Variants in TEAD1 observed in about 807,000 individuals in gnomAD.
TEAD1 encodes the protein TEA domain transcription factor 1, also known as transcriptional enhancer factor TEF-1.
A neutral mutation model predicts 54.9 loss-of-function variants in TEAD1; 9 were observed. The ratio of observed to expected loss-of-function variants is 0.16; its 90% CI spans 0.10 to 0.29. TEAD1 has a LOEUF of 0.29. Ranked by LOEUF, TEAD1 falls within the 10% of genes least tolerant of loss-of-function variation. The probability of loss-of-function intolerance (pLI) is 1.00; values close to 1 mark genes in which losing one functional copy is unlikely to be tolerated. For missense variants in TEAD1, 387 were observed against 535.9 expected (o/e 0.72, Z 2.74); for synonymous variants, 200 against 187.8 (o/e 1.07, Z -0.53).
intron 2 of TEAD1, among the ~76,000 whole-genome samples, chr11:12,732,983 C>G (rs1267711697): frequency 6.6e-6 from 1 of 152,186 alleles, no homozygotes; most frequent in African/African-American, 2.4e-5. Context: ...AACCAGAATT[C>G]AAGAGCTCTG....
intron 3 of TEAD1, among the ~76,000 whole-genome samples, chr11:12,855,813 G>A (rs939271193): frequency 1.3e-5 from 2 of 151,836 alleles, no homozygotes; most frequent in Admixed American, 1.3e-4. Context: ...GCCAGGTGTG[G>A]TGTACCTGCC....
intron 3 of TEAD1, among the ~76,000 whole-genome samples, chr11:12,787,365 C>A (rs1266193092): frequency 6.6e-6 from 1 of 152,076 alleles, no homozygotes; most frequent in Non-Finnish European, 1.5e-5. Flanking sequence ...TTTTTGCTAA[C>A]CATTGTATGA....
intron 3 of TEAD1, among the ~76,000 whole-genome samples, chr11:12,779,133 T>C (rs1456281649): frequency 6.6e-6 from 1 of 152,194 alleles, no homozygotes; most frequent in East Asian, 1.9e-4. Flanking sequence ...TAAATGTTAC[T>C]TTTTTCAGAT....
At chr11:12,764,076 G>A (rs1945154816) in intron 2 of TEAD1, 103 bp from the exon 3 acceptor site, 2 of 727,770 alleles carry the variant, frequency 2.7e-6, no homozygotes, top group Non-Finnish European at 4.4e-6. Context: ...ATAATAAAAT[G>A]AAATGAAAAA....
chr11:12,895,517 A>G (rs1412846463), intron 9 of TEAD1, among the ~76,000 whole-genome samples: 1 of 152,178 alleles, frequency 6.6e-6, no homozygotes, highest in Non-Finnish European at 1.5e-5. Context: ...TTGCAGTCTG[A>G]CCCGAGCTCC....
intron 3 of TEAD1, among the ~76,000 whole-genome samples, chr11:12,838,419 A>G: frequency 6.6e-6 from 1 of 152,220 alleles, no homozygotes; most frequent in East Asian, 1.9e-4. Flanking sequence ...AGCCTCTGAG[A>G]TATAAATTCC....
intron 3 of TEAD1, among the ~76,000 whole-genome samples, chr11:12,849,848 G>C (rs537234957): frequency 6.6e-6 from 1 of 152,066 alleles, no homozygotes; most frequent in Non-Finnish European, 1.5e-5. Flanking sequence ...TAAAAGATTT[G>C]TGCCCTCTTA....
intron 5 of TEAD1, among the ~76,000 whole-genome samples, chr11:12,877,886 C>T (rs923300608): frequency 1.3e-5 from 2 of 151,852 alleles, no homozygotes; most frequent in East Asian, 3.9e-4. Flanking sequence ...CAGCCTTGAC[C>T]TCCCAGGTTC....
At chr11:12,838,653 C>A (rs1193191321) in intron 3 of TEAD1, among the ~76,000 whole-genome samples, 1 of 152,116 alleles carries the variant, frequency 6.6e-6, no homozygotes, top group Non-Finnish European at 1.5e-5. Context: ...TCTTAGTAAA[C>A]CCACAAGTGT....
intron 3 of TEAD1, among the ~76,000 whole-genome samples, chr11:12,861,909 C>T (rs1164609195): frequency 1.3e-5 from 2 of 151,788 alleles, no homozygotes; most frequent in African/African-American, 4.8e-5. Context: ...TCACTTGAAC[C>T]TGGGAGGCAG....
chr11:12,706,170 T>G (rs1943810335), intron 2 of TEAD1, among the ~76,000 whole-genome samples: 1 of 152,244 alleles, frequency 6.6e-6, no homozygotes, highest in African/African-American at 2.4e-5. Flanking sequence ...CTGGGGATTT[T>G]TAGAGCTGAC....
intron 4 of TEAD1, among the ~76,000 whole-genome samples, chr11:12,864,496 G>A (rs920711570): frequency 2.6e-5 from 4 of 152,252 alleles, no homozygotes; most frequent in South Asian, 2.1e-4. Flanking sequence ...AGCGCTGGGG[G>A]CTTGTGTCTG....
intron 9 of TEAD1, among the ~76,000 whole-genome samples, chr11:12,889,538 C>T (rs191658293): frequency 5.9e-5 from 9 of 152,088 alleles, no homozygotes; most frequent in Non-Finnish European, 7.4e-5. Flanking sequence ...TTTACTCAGG[C>T]GGGAGTTACA....
intron 10 of TEAD1, among the ~76,000 whole-genome samples, chr11:12,904,541 T>A (rs1037558232): frequency 1.4e-4 from 21 of 152,324 alleles, no homozygotes; most frequent in African/African-American, 4.8e-4. Flanking sequence ...TACTACTGCT[T>A]GTTGACTTTT....
rs757893761 is a variant in TEAD1 at position 12,883,107 on chromosome 11, G to A, written c.681G>A (p.Gln227=). ...TGGAATTTTCAGCTTTTCTCGAGCA[G>A]CAGCGAGACCCAGACTCGGTGAGTG... The change falls in exon 9 of 13, where the codon CAG becomes CAA. Residue 227 remains glutamine, a synonymous_variant. Transcript: ENST00000527636. 2 of 1,614,208 alleles carry A rather than the reference G, an allele frequency of 1.2e-6. No homozygotes were observed. Among genetic ancestry groups the A allele is most frequent in the South Asian group, 2.2e-5 (2 of 91,088 alleles).
chr11:12,834,108 A>G (rs184078197), intron 3 of TEAD1, among the ~76,000 whole-genome samples: 74 of 152,352 alleles, frequency 4.9e-4, no homozygotes, highest in African/African-American at 1.7e-3. Context: ...TGTACTTCCA[A>G]TGTGAATAAG....
intron 9 of TEAD1, among the ~76,000 whole-genome samples, chr11:12,887,766 G>C (rs1948119636): frequency 6.6e-6 from 1 of 152,176 alleles, no homozygotes; most frequent in Non-Finnish European, 1.5e-5. Context: ...GATAAACTCA[G>C]CTGATACATT....
Position 12,882,985 on chromosome 11 carries a change from A to G in TEAD1, c.575-16A>G. 8 of 1,614,062 alleles carry G rather than the reference A, an allele frequency of 5.0e-6. No homozygotes were observed. The highest frequency in any genetic ancestry group is 6.8e-6 in the Non-Finnish European group (8 of 1,180,008). On this transcript the variant is annotated splice_polypyrimidine_tract_variant and intron_variant, in intron 8 of 12. Coordinates refer to ENST00000527636, the MANE Select transcript of TEAD1 (RefSeq NM_021961.6). ...AGGTGAGTGACCAGCATCAAAGGTG[A>G]CGATTGCTCTTTCAGGGTTTGAGCC...
intron 5 of TEAD1, among the ~76,000 whole-genome samples, chr11:12,877,774 C>T (rs532741354): frequency 1.5e-4 from 22 of 147,026 alleles, no homozygotes; most frequent in African/African-American, 5.5e-4. Flanking sequence ...CTCCCACCCT[C>T]CCTTTCTTCC....
Sources: gnomAD v4.1 joint callset for allele counts (sites outside exome capture counted in the v4.1 genomes callset) on GRCh38, gnomAD v4.1.1 for gene constraint, MANE v1.5 for transcripts, NCBI Gene and HGNC (gene_info 2026-07-23, HGNC 2026-07-21) for gene names.